The following ARPP21 variants were observed in gnomAD, a reference collection of about 807,000 sequenced individuals.
ARPP21 encodes the protein cAMP-regulated phosphoprotein 21.
In ARPP21, 69 loss-of-function variants were observed where a neutral mutation model predicts 113.2. The observed-to-expected ratio is 0.61, with a 90% CI of 0.50 to 0.74. ARPP21 has a LOEUF of 0.74. Among genes scored for constraint, ARPP21 ranks in the 30% least tolerant of loss-of-function variants. The probability of loss-of-function intolerance (pLI) is 0.00; values close to 1 mark genes in which losing one functional copy is unlikely to be tolerated. For missense variants in ARPP21, 1,070 were observed against 1,037.4 expected (o/e 1.03, Z -0.43); for synonymous variants, 368 against 375.5 (o/e 0.98, Z 0.23).
At chr3:35,709,133 T>G in intron 11 of ARPP21, 63 bp downstream of exon 11, 4 of 1,115,590 alleles carry the variant, frequency 3.6e-6, no homozygotes, top group Non-Finnish European at 4.0e-6. Context: ...GGCTTCCTCA[T>G]TCCCCAGACA....
intron 1 of ARPP21, among the ~76,000 whole-genome samples, chr3:35,666,680 C>T (rs539630748): frequency 6.6e-6 from 1 of 152,102 alleles, no homozygotes; most frequent in East Asian, 1.9e-4. Flanking sequence ...AACAATTTTT[C>T]CATTATCTTT....
At chr3:35,698,847 G>T (rs2085102182) in intron 9 of ARPP21, among the ~76,000 whole-genome samples, 1 of 151,566 alleles carries the variant, frequency 6.6e-6, no homozygotes, top group Admixed American at 6.6e-5. Flanking sequence ...TACTAAGTTA[G>T]ATGGTAAAAA....
At position 35,793,773 on chromosome 3, in the gene ARPP21, G is replaced by T. The variant is rs150351113; in HGVS notation, c.2359G>T (p.Ala787Ser). ...ACAGCCAATCATGCTACCTAACCAG[G>T]CAGGTCAAGGGTCACTCCCAGCCAC... ...YQQPIMLPNQ[A>S]GQGSLPATGM... Residue 787 changes from alanine (A) to serine (S), a missense_variant, in exon 21 of 21, where the codon GCA becomes TCA. Ala to Ser is a moderately conservative substitution (Grantham distance 99). Coordinates refer to ENST00000684406, the MANE Select transcript of ARPP21 (RefSeq NM_001385562.1). 44 of 1,613,846 alleles carry T rather than the reference G, an allele frequency of 2.7e-5. No individual in the cohort carries two copies. Among genetic ancestry groups the T allele is most frequent in the Non-Finnish European group, 3.6e-5 (42 of 1,179,878 alleles).
intron 14 of ARPP21, 32 bp downstream of exon 14, chr3:35,721,866 G>T (rs1030901162): frequency 2.0e-5 from 28 of 1,414,192 alleles, no homozygotes; most frequent in Non-Finnish European, 2.5e-5. Context: ...TATGTCCTGT[G>T]GTATTTTTTG....
At chr3:35,751,391 A>C (rs1437829453) in intron 19 of ARPP21, among the ~76,000 whole-genome samples, 1 of 152,140 alleles carries the variant, frequency 6.6e-6, no homozygotes. Flanking sequence ...AATCCTAAAA[A>C]TGCATAGTAT....
In ARPP21 at chr3:35,737,177, G is replaced by A; in HGVS notation, c.1460-1G>A. 1 of 1,600,774 alleles carries A rather than the reference G, an allele frequency of 6.2e-7. No individual in the cohort carries two copies. The highest frequency in any genetic ancestry group is 8.5e-7 in the Non-Finnish European group (1 of 1,170,190). Reference sequence around the variant, plus strand: ...TGGACTAAGTTCTGATTCCATTGCAGGCCAGCCCTTTGTGAATCCCGATGG... The same window carrying A: ...TGGACTAAGTTCTGATTCCATTGCAAGCCAGCCCTTTGTGAATCCCGATGG... On this transcript the variant is annotated splice_acceptor_variant, in intron 15 of 20. Coordinates refer to ENST00000684406, the MANE Select transcript of ARPP21 (RefSeq NM_001385562.1). LOFTEE classifies it high-confidence loss of function.
At chr3:35,677,191 C>G (rs563735851) in intron 1 of ARPP21, among the ~76,000 whole-genome samples, 2 of 151,822 alleles carry the variant, frequency 1.3e-5, no homozygotes, top group Non-Finnish European at 2.9e-5. Flanking sequence ...TCCCTTTCAT[C>G]GGTGAACTAA....
At chr3:35,709,264 G>A (rs1446936963) in intron 11 of ARPP21, among the ~76,000 whole-genome samples, 194 bp downstream of exon 11, 1 of 152,114 alleles carries the variant, frequency 6.6e-6, no homozygotes, top group African/African-American at 2.4e-5. Flanking sequence ...CAAGGGTTTG[G>A]GTGTGTTCTT....
chr3:35,726,488 T>G (rs1432284301), intron 14 of ARPP21, among the ~76,000 whole-genome samples: 1 of 152,264 alleles, frequency 6.6e-6, no homozygotes, highest in Non-Finnish European at 1.5e-5. Context: ...TCTTTGCATG[T>G]GCAGAGAATT....
chr3:35,652,877 C>T (rs1703020041), intron 1 of ARPP21, among the ~76,000 whole-genome samples: 1 of 152,020 alleles, frequency 6.6e-6, no homozygotes, highest in Non-Finnish European at 1.5e-5. Context: ...AATTACTTCA[C>T]TTGGCTTGCT....
chr3:35,704,900 G>A (rs888348336), intron 9 of ARPP21, among the ~76,000 whole-genome samples: 5 of 152,094 alleles, frequency 3.3e-5, no homozygotes, highest in Admixed American at 3.3e-4. Context: ...GTGCTTTAAT[G>A]CTTTTCACTT....
intron 1 of ARPP21, among the ~76,000 whole-genome samples, chr3:35,666,573 T>G (rs2074414350): frequency 6.6e-6 from 1 of 152,198 alleles, no homozygotes; most frequent in Non-Finnish European, 1.5e-5. Context: ...TATTTTAGTT[T>G]GTCTTTGACA....
chr3:35,724,023 C>CT (rs1464631478), intron 14 of ARPP21, among the ~76,000 whole-genome samples: 2 of 152,272 alleles, frequency 1.3e-5, no homozygotes, highest in African/African-American at 4.8e-5. Context: ...GAATTGCAAA[C>CT]TTTTTTATGA....
chr3:35,780,424 T>C (rs919822373), intron 19 of ARPP21, among the ~76,000 whole-genome samples: 1 of 152,162 alleles, frequency 6.6e-6, no homozygotes, highest in Admixed American at 6.5e-5. Context: ...GCTGAACCAC[T>C]GGTGTATGTC....
At chr3:35,777,305 T>C (rs1445458754) in intron 19 of ARPP21, among the ~76,000 whole-genome samples, 1 of 152,176 alleles carries the variant, frequency 6.6e-6, no homozygotes, top group Admixed American at 6.5e-5. Context: ...ACCTGATAGC[T>C]ACCTGACCTT....
chr3:35,701,207 T>C (rs2086248433), intron 9 of ARPP21, among the ~76,000 whole-genome samples: 6 of 151,658 alleles, frequency 4.0e-5, no homozygotes, highest in Admixed American at 4.0e-4. Flanking sequence ...TTGAAATGTT[T>C]TGATAATCTC....
At chr3:35,740,640 T>C (rs1438343913) in intron 18 of ARPP21, among the ~76,000 whole-genome samples, 2 of 152,204 alleles carry the variant, frequency 1.3e-5, no homozygotes, top group Non-Finnish European at 2.9e-5. Context: ...CATTAAAGTA[T>C]TAATACTTTT....
intron 19 of ARPP21, among the ~76,000 whole-genome samples, chr3:35,753,275 T>A (rs1559856461): frequency 6.6e-6 from 1 of 151,996 alleles, no homozygotes; most frequent in Admixed American, 6.6e-5. Context: ...TAGAATAGAA[T>A]GACAGCCTAA....
chr3:35,706,667 T>C (rs992291858), intron 9 of ARPP21, among the ~76,000 whole-genome samples: 8 of 152,168 alleles, frequency 5.3e-5, no homozygotes, highest in Non-Finnish European at 8.8e-5. Flanking sequence ...TTAGGAGTAA[T>C]AGAGGTCAAA....
Sources: gnomAD v4.1 joint callset for allele counts (sites outside exome capture counted in the v4.1 genomes callset) on GRCh38, gnomAD v4.1.1 for gene constraint, MANE v1.5 for transcripts, NCBI Gene and HGNC (gene_info 2026-07-23, HGNC 2026-07-21) for gene names.